The following NDNF variants were observed in gnomAD, a reference collection of about 807,000 sequenced individuals.
The protein encoded by NDNF is neuron derived neurotrophic factor, also known as protein NDNF.
NDNF carries 16 observed loss-of-function variants against 42.0 expected under a neutral mutation model. The ratio of observed to expected loss-of-function variants is 0.38; its 90% CI spans 0.26 to 0.58. NDNF has a LOEUF of 0.58. Ranked by LOEUF, NDNF falls within the 20% of genes least tolerant of loss-of-function variation. The pLI is 0.67. For synonymous variants in NDNF, 248 were observed against 251.7 expected (o/e 0.99, Z 0.14); for missense variants, 616 against 666.2 (o/e 0.92, Z 0.83).
intron 1 of NDNF, among the ~76,000 whole-genome samples, chr4:121,053,965 A>C (rs1327715433): frequency 1.3e-5 from 2 of 152,228 alleles, no homozygotes; most frequent in Admixed American, 6.5e-5. Context: ...CGCCAGTAGC[A>C]TTCAGCAACA....
intron 2 of NDNF, among the ~76,000 whole-genome samples, chr4:121,042,816 A>G (rs759227493): frequency 1.3e-5 from 2 of 152,206 alleles, no homozygotes; most frequent in South Asian, 4.1e-4. Context: ...ACAATGTACA[A>G]GTTTGTCTAT....
At position 121,037,356 on chromosome 4, in the gene NDNF, C is replaced by A; in HGVS notation, c.615G>T (p.Leu205=). 1 of 1,614,112 alleles carries A rather than the reference C, an allele frequency of 6.2e-7. No homozygotes were observed. The highest frequency in any genetic ancestry group is 8.5e-7 in the Non-Finnish European group (1 of 1,180,020). Residue 205 remains leucine (L), a synonymous_variant, in exon 4 of 4, where the codon CTG becomes CTT. Coordinates refer to ENST00000379692, the MANE Select transcript of NDNF (RefSeq NM_024574.4). ...CCACACAGTACTGAATGGGTTGTTTCAGCAAAGAGGCAGTGGGGCTTGGTT... is the reference window on the plus strand; with the variant it reads ...CCACACAGTACTGAATGGGTTGTTTAAGCAAAGAGGCAGTGGGGCTTGGTT... ...AWKPSPTASL[L]KQPIQYCVVI... is the part of the protein sequence containing the mutation.
chr4:121,053,074 C>G (rs1234669898), intron 1 of NDNF, among the ~76,000 whole-genome samples: 1 of 152,150 alleles, frequency 6.6e-6, no homozygotes. Context: ...CACTAAAGCT[C>G]TCTAAATGCA....
intron 1 of NDNF, among the ~76,000 whole-genome samples, chr4:121,062,919 G>A (rs548889724): frequency 7.9e-5 from 12 of 152,058 alleles, no homozygotes; most frequent in Non-Finnish European, 1.8e-4. Flanking sequence ...TATAGACTGA[G>A]TTTGGCTGAA....
At chr4:121,065,167 G>T (rs1022726696) in intron 1 of NDNF, among the ~76,000 whole-genome samples, 1 of 152,054 alleles carries the variant, frequency 6.6e-6, no homozygotes, top group African/African-American at 2.4e-5. Context: ...GTTCTTTGTT[G>T]TTCCATGACC....
intron 3 of NDNF, 80 bp from the exon 4 acceptor site, chr4:121,037,737 A>AT: frequency 3.0e-6 from 3 of 1,002,004 alleles, no homozygotes; most frequent in East Asian, 2.5e-5. Flanking sequence ...CTTTTATCTT[A>AT]TTTTTTCTCC....
At chr4:121,042,215 C>T (rs1267330752) in intron 2 of NDNF, among the ~76,000 whole-genome samples, 1 of 152,152 alleles carries the variant, frequency 6.6e-6, no homozygotes, top group Non-Finnish European at 1.5e-5. Flanking sequence ...CATGTATGTA[C>T]TTGATCAACA....
intron 1 of NDNF, among the ~76,000 whole-genome samples, chr4:121,063,478 G>A (rs539262384): frequency 6.6e-6 from 1 of 152,280 alleles, no homozygotes; most frequent in African/African-American, 2.4e-5. Flanking sequence ...CAGAGTGAGA[G>A]AGGAGAAATC....
rs564712775 is a variant in NDNF at position 121,059,848 on chromosome 4, T to G, written c.-2+12145A>C. 2.6e-5 allele frequency among the ~76,000 whole-genome samples: 4 copies of G among 152,260 alleles called. No individual in the cohort carries two copies. The East Asian group carries it at 7.7e-4, about 29-fold the overall frequency. ...CTTTCTAACGGGCTCCCAGGAGACG[T>G]TGATGCTGACAGTTCATGGACTGCA... On this transcript the variant is annotated intron_variant, in intron 1 of 3. Transcript: ENST00000379692.
Position 121,059,874 on chromosome 4 carries a change from C to G in NDNF, c.-2+12119G>C, listed in dbSNP as rs115740754. Among the ~76,000 whole-genome samples, 1,019 of 152,308 alleles carry G rather than the reference C, an allele frequency of 6.7e-3. 7 individuals carry two copies. Among genetic ancestry groups the G allele is most frequent in the Admixed American group, 0.01 (160 of 15,294 alleles). ...TGATGCTGACAGTTCATGGACTGCA[C>G]TTGAATAGCCAGGTGATGGGTGGGT... On this transcript the variant is annotated intron_variant, in intron 1 of 3. Coordinates refer to ENST00000379692, the MANE Select transcript of NDNF (RefSeq NM_024574.4).
At position 121,065,886 on chromosome 4, in the gene NDNF, A is replaced by C. The variant is rs575303977; in HGVS notation, c.-2+6107T>G. On this transcript the variant is annotated intron_variant, in intron 1 of 3. Transcript: ENST00000379692. ...AGTTTACCCATTTCCCATTGCAGAG[A>C]TATTTTCATATTTATAGAGGACACT... 2.6e-5 allele frequency among the ~76,000 whole-genome samples: 4 copies of C among 152,236 alleles called. No individual in the cohort carries two copies. In the East Asian group the frequency reaches 7.7e-4, roughly 29 times the overall value.
chr4:121,049,204 G>A (rs1047581665), intron 1 of NDNF, among the ~76,000 whole-genome samples: 1 of 152,184 alleles, frequency 6.6e-6, no homozygotes, highest in Non-Finnish European at 1.5e-5. Context: ...TTCTCCATGG[G>A]TCTCTGTGTT....
At position 121,036,704 on chromosome 4, in the gene NDNF, C is replaced by T. The variant is rs1726875770; in HGVS notation, c.1267G>A (p.Gly423Arg). ...AACATAGATGCTCCTTTCTTGTTTC[C>T]TTTCAGTCGAACGAGGTATTTAGCT... ...PKAKYLVRLK[G>R]NKKGASMLKI... Residue 423 changes from glycine (G) to arginine (R), a missense_variant, in exon 4 of 4, where the codon GGA (glycine) becomes AGA (arginine). Coordinates refer to ENST00000379692, the MANE Select transcript of NDNF (RefSeq NM_024574.4). 2 of 1,614,114 alleles carry T rather than the reference C, an allele frequency of 1.2e-6. No homozygotes were observed. The highest frequency in any genetic ancestry group is 1.7e-6 in the Non-Finnish European group (2 of 1,180,016).
intron 2 of NDNF, among the ~76,000 whole-genome samples, chr4:121,040,751 TC>T (rs1726982883): frequency 6.6e-6 from 1 of 152,178 alleles, no homozygotes; most frequent in Non-Finnish European, 1.5e-5. Context: ...CAAACGATCC[TC>T]CCACCTCAGT....
At chr4:121,061,877 G>A (rs902871680) in intron 1 of NDNF, among the ~76,000 whole-genome samples, 4 of 152,172 alleles carry the variant, frequency 2.6e-5, no homozygotes, top group African/African-American at 7.2e-5. Flanking sequence ...TACTTTGAGT[G>A]AGCCTCTTAA....
chr4:121,062,232 T>G (rs989208220), intron 1 of NDNF, among the ~76,000 whole-genome samples: 1 of 152,216 alleles, frequency 6.6e-6, no homozygotes, highest in Admixed American at 6.5e-5. Context: ...AAAAATAATC[T>G]CAAAAATAAT....
chr4:121,045,342 A>G (rs539236754), intron 2 of NDNF, among the ~76,000 whole-genome samples: 119 of 149,724 alleles, frequency 7.9e-4, no homozygotes, highest in Non-Finnish European at 1.5e-3. Flanking sequence ...ACAGAGCGAG[A>G]CTCCGTCTCA....
At chr4:121,070,952 G>A (rs1215605597) in intron 1 of NDNF, among the ~76,000 whole-genome samples, 2 of 152,148 alleles carry the variant, frequency 1.3e-5, no homozygotes, top group Non-Finnish European at 2.9e-5. Context: ...GATGCGGGGC[G>A]GGTCCGGGGA....
chr4:121,062,622 G>T (rs1727431481), intron 1 of NDNF, among the ~76,000 whole-genome samples: 2 of 152,176 alleles, frequency 1.3e-5, no homozygotes, highest in Admixed American at 1.3e-4. Context: ...GATACAATAT[G>T]GGAATTCAGA....
Sources: gnomAD v4.1 joint callset for allele counts (sites outside exome capture counted in the v4.1 genomes callset) on GRCh38, gnomAD v4.1.1 for gene constraint, MANE v1.5 for transcripts, NCBI Gene and HGNC (gene_info 2026-07-23, HGNC 2026-07-21) for gene names.